The following EFR3A variants were observed in gnomAD, a reference collection of about 807,000 sequenced individuals.
EFR3A encodes the protein protein EFR3 homolog A.
A neutral mutation model predicts 104.4 loss-of-function variants in EFR3A; 76 were observed. The observed-to-expected ratio is 0.73, with a 90% CI of 0.60 to 0.88. The LOEUF (loss-of-function observed/expected upper bound fraction) is 0.88. Ranked by LOEUF, EFR3A falls within the 40% of genes least tolerant of loss-of-function variation. The probability of loss-of-function intolerance (pLI) is 0.00; values close to 1 mark genes in which losing one functional copy is unlikely to be tolerated. For synonymous variants in EFR3A, 330 were observed against 330.0 expected, an observed-to-expected ratio of 1.00 and a Z score of 0.00; for missense variants, 985 against 1,012.5, an observed-to-expected ratio of 0.97 and a Z score of 0.37.
chr8:131,982,518 A>C (rs1316560674), intron 14 of EFR3A, among the ~76,000 whole-genome samples: 1 of 152,114 alleles, frequency 6.6e-6, no homozygotes, highest in African/African-American at 2.4e-5. Flanking sequence ...TTGCTGAGTA[A>C]TAGGTTATGT....
intron 16 of EFR3A, among the ~76,000 whole-genome samples, chr8:131,985,274 A>G (rs1258908812): frequency 6.6e-6 from 1 of 152,182 alleles, no homozygotes; most frequent in East Asian, 1.9e-4. Flanking sequence ...AGTTTAATGT[A>G]GTGGTTGAAT....
chr8:131,964,297 T>C (rs1235879099), intron 8 of EFR3A, among the ~76,000 whole-genome samples: 1 of 152,098 alleles, frequency 6.6e-6, no homozygotes, highest in East Asian at 1.9e-4. Context: ...TGTTTGCAGA[T>C]GACATGATTG....
At position 131,955,810 on chromosome 8, in the gene EFR3A, AGAGAATCC is replaced by A; in HGVS notation, c.682_689del (p.Glu228CysfsTer5). The A allele has an allele frequency of 6.2e-7, 1 of 1,613,514 alleles. No individual in the cohort carries two copies. Among genetic ancestry groups the A allele is most frequent in the Non-Finnish European group, 8.5e-7 (1 of 1,179,540 alleles). ...CTTCTCCTTCTGCAACTGACAAAGA[AGAGAATCC>A]TGCTGTGCTGGCTGAAAACTGTTTC... is the stretch of plus-strand genomic sequence containing the variant. On this transcript the variant is annotated frameshift_variant, in exon 7 of 23. Transcript: ENST00000254624. LOFTEE classifies it high-confidence loss of function.
chr8:131,920,192 T>TCAGTGCA (rs1816934475), intron 1 of EFR3A, among the ~76,000 whole-genome samples: 1 of 152,268 alleles, frequency 6.6e-6, no homozygotes, highest in African/African-American at 2.4e-5. Flanking sequence ...AGCTGAAACT[T>TCAGTGCA]CAGTGCACAG....
chr8:131,956,969 A>G (rs1248469546), intron 7 of EFR3A, among the ~76,000 whole-genome samples: 34 of 152,158 alleles, frequency 2.2e-4, no homozygotes, highest in Admixed American at 1.4e-3. Flanking sequence ...ACTAATCTAT[A>G]AGGCCTTAAA....
chr8:131,932,798 G>A (rs1817676400), intron 1 of EFR3A, among the ~76,000 whole-genome samples: 1 of 152,056 alleles, frequency 6.6e-6, no homozygotes, highest in African/African-American at 2.4e-5. Flanking sequence ...TTGTTAGACT[G>A]CATTTTAGCA....
At chr8:131,936,773 G>A (rs1817913432) in intron 1 of EFR3A, among the ~76,000 whole-genome samples, 1 of 152,130 alleles carries the variant, frequency 6.6e-6, no homozygotes, top group Admixed American at 6.6e-5. Context: ...ATAGGTCCAA[G>A]TATGGGAGAA....
chr8:131,923,060 T>A (rs1226809313), intron 1 of EFR3A, among the ~76,000 whole-genome samples: 2 of 152,136 alleles, frequency 1.3e-5, no homozygotes, highest in Non-Finnish European at 2.9e-5. Flanking sequence ...ATTTGAGACT[T>A]GATTTGAAAG....
intron 18 of EFR3A, among the ~76,000 whole-genome samples, chr8:131,989,091 C>T (rs1241494673): frequency 6.6e-6 from 1 of 152,114 alleles, no homozygotes; most frequent in Non-Finnish European, 1.5e-5. Flanking sequence ...ATTTTAGTGT[C>T]TACTTAATTG....
chr8:131,955,717 G>T, intron 6 of EFR3A, 51 bp from the exon 7 acceptor site: 1 of 1,573,636 alleles, frequency 6.4e-7, no homozygotes, highest in Admixed American at 1.9e-5. Context: ...TTGTTTATTA[G>T]AACTGATATT....
chr8:131,928,162 A>G (rs1817399342), intron 1 of EFR3A, among the ~76,000 whole-genome samples: 1 of 151,622 alleles, frequency 6.6e-6, no homozygotes, highest in South Asian at 2.1e-4. Flanking sequence ...TTGACTAGTC[A>G]TGAAATACTT....
intron 18 of EFR3A, 125 bp downstream of exon 18, chr8:131,987,827 A>G: frequency 2.0e-6 from 2 of 1,024,174 alleles, no homozygotes; most frequent in Non-Finnish European, 2.8e-6. Context: ...AGCCATTTTC[A>G]AATGCTTAAG....
chr8:131,931,237 A>G (rs534852115), intron 1 of EFR3A, among the ~76,000 whole-genome samples: 58 of 152,148 alleles, frequency 3.8e-4, no homozygotes, highest in Non-Finnish European at 7.9e-4. Context: ...GCATTGTACT[A>G]TGGAAACATA....
rs1563660667 is a variant in EFR3A, at chr8:131,955,767, G to T, written c.639-1G>T. The T allele has an allele frequency of 1.2e-6, 2 of 1,601,474 alleles. No individual in the cohort carries two copies. Among genetic ancestry groups the T allele is most frequent in the Non-Finnish European group, 1.7e-6 (2 of 1,175,172 alleles). On this transcript the variant is annotated splice_acceptor_variant, in intron 6 of 22. Coordinates refer to ENST00000254624, the MANE Select transcript of EFR3A (RefSeq NM_015137.6). LOFTEE classifies it high-confidence loss of function. ...TTTCTTTATTTCTCGTTCCTTTTTA[G>T]TCGCATAGGCCCTCCTTCTTCTCCT...
chr8:131,954,676 TAATA>T (rs1818887765), intron 6 of EFR3A, among the ~76,000 whole-genome samples: 2 of 150,020 alleles, frequency 1.3e-5, no homozygotes, highest in South Asian at 2.1e-4. Flanking sequence ...TTAATATAAA[TAATA>T]AATTAATATT....
chr8:132,004,871 T>C (rs948388774), intron 22 of EFR3A, among the ~76,000 whole-genome samples: 8 of 152,198 alleles, frequency 5.3e-5, no homozygotes, highest in African/African-American at 1.9e-4. Context: ...CTGATGTTCT[T>C]AAAAGGAATG....
chr8:131,961,219 T>C (rs1050937387), intron 8 of EFR3A, among the ~76,000 whole-genome samples: 2 of 152,120 alleles, frequency 1.3e-5, no homozygotes, highest in Admixed American at 1.3e-4. Context: ...GAGAATGACT[T>C]TGACAAGTTG....
intron 10 of EFR3A, 75 bp downstream of exon 10, chr8:131,970,718 A>G: frequency 7.5e-7 from 1 of 1,329,550 alleles, no homozygotes; most frequent in Non-Finnish European, 1.0e-6. Context: ...GTCCTGGACT[A>G]TTATAGTACA....
chr8:131,944,695 T>C, intron 2 of EFR3A, 50 bp from the exon 3 acceptor site: 1 of 1,489,838 alleles, frequency 6.7e-7, no homozygotes, highest in East Asian at 2.5e-5. Flanking sequence ...CTTAAAAATA[T>C]AATAAGCATG....
Sources: allele counts gnomAD v4.1 joint callset (sites outside exome capture counted in the v4.1 genomes callset), GRCh38; gene constraint gnomAD v4.1.1; transcripts MANE v1.5; gene names NCBI Gene and HGNC (gene_info 2026-07-23, HGNC 2026-07-21).